Variants in TRIML1 observed in about 807,000 individuals in gnomAD.
TRIML1 encodes the protein probable E3 ubiquitin-protein ligase TRIML1.
A neutral mutation model predicts 32.3 loss-of-function variants in TRIML1; 34 were observed. The observed-to-expected ratio is 1.05, with a 90% confidence interval of 0.80 to 1.40. TRIML1 has a LOEUF of 1.40. Among genes scored for constraint, TRIML1 ranks in the 40% most tolerant of loss-of-function variants. TRIML1 has a pLI of 0.00. For synonymous variants in TRIML1, 244 were observed against 226.6 expected (o/e 1.08, Z -0.69); for missense variants, 595 against 574.9 (o/e 1.03, Z -0.36).
chr4:188,140,408 C>T lies in TRIML1; in HGVS notation c.409-120C>T, dbSNP rs569197053. The stretch of plus-strand genomic sequence containing the variant: ...AAGTGCTGGGATTACAGGCGTGAGG[C>T]GCCGCACCCAGCCTGCCCTTTGTTT... On this transcript the variant is annotated intron_variant, in intron 1 of 5. Transcript: ENST00000332517. The T allele has an allele frequency of 2.8e-4, 212 of 750,034 alleles. 1 individual carries two copies. The highest frequency in any genetic ancestry group is 3.6e-4 in the Non-Finnish European group (158 of 444,938). 46.5% of individuals were successfully genotyped at this position (750,034 alleles called of 1,614,324 possible).
intron 1 of TRIML1, 138 bp downstream of exon 1, chr4:188,140,104 C>A: frequency 1.2e-6 from 1 of 868,198 alleles, no homozygotes; most frequent in Non-Finnish European, 1.7e-6. Context: ...GGCGTGGGTC[C>A]AGTTTACACC....
In TRIML1 at chr4:188,139,498, T is replaced by A; in HGVS notation, c.-61T>A. ...GTTACTCAAAACTGTAGGACGGCAG[T>A]GAGGGCTTTGCTAATCCCAGAACAG... On this transcript the variant is annotated 5_prime_UTR_variant, in exon 1 of 6. Coordinates refer to ENST00000332517, the MANE Select transcript of TRIML1 (RefSeq NM_178556.5). 6.7e-7 allele frequency: 1 copy of A among 1,502,106 alleles called. No homozygotes were observed. Among genetic ancestry groups the A allele is most frequent in the East Asian group, 2.3e-5 (1 of 43,780 alleles). The allele number at this position is 1,502,106 out of a possible 1,614,324, so 93.0% of individuals were successfully genotyped here.
chr4:188,144,067 G>A lies in TRIML1; in HGVS notation c.790G>A (p.Ala264Thr). 3 of 1,614,072 alleles carry A rather than the reference G, an allele frequency of 1.9e-6. No homozygotes were observed. In the South Asian group the frequency reaches 3.3e-5, roughly 18 times the overall value. Residue 264 changes from alanine (A) to threonine (T), a missense_variant, in exon 5 of 6, where the codon GCC (alanine) becomes ACC (threonine). By Grantham distance (58) the Ala-to-Thr change is moderately conservative. Coordinates refer to ENST00000332517, the MANE Select transcript of TRIML1 (RefSeq NM_178556.5). ...GCCACTCTTGCTTCAGTGTCCAGAG[G>A]CCACCACCACAGAGCTGAGTCTGTG... Reference protein sequence around the residue: ...SEPLLLQCPEATTTELSLCRI... With the variant: ...SEPLLLQCPETTTTELSLCRI...
In TRIML1 at chr4:188,139,954, G is replaced by A. The variant is rs1303222045; in HGVS notation, c.396G>A (p.Glu132=). ...GAGTGCATCTCTCCAGCGAGGCTGA[G>A]GAGCATCACAGAGTAAGACAGCTGC... ...ANRVHLSSEA[E]EHHREKLQEI... The change falls in exon 1 of 6, where the codon GAG becomes GAA. Residue 132 remains glutamate (E), a synonymous_variant. Coordinates refer to ENST00000332517, the MANE Select transcript of TRIML1 (RefSeq NM_178556.5). 6.2e-7 allele frequency: 1 copy of A among 1,606,626 alleles called. No individual in the cohort carries two copies. The highest frequency in any genetic ancestry group is 2.2e-5 in the East Asian group (1 of 44,792).
chr4:188,144,287 G>A (rs11940227), intron 5 of TRIML1, among the ~76,000 whole-genome samples, 154 bp downstream of exon 5: 1 of 151,722 alleles, frequency 6.6e-6, no homozygotes, highest in African/African-American at 2.4e-5. Context: ...GCCACAGACC[G>A]TCTCTGAGCG....
At chr4:188,144,170 A>G in intron 5 of TRIML1, 37 bp downstream of exon 5, 3 of 1,552,504 alleles carry the variant, frequency 1.9e-6, no homozygotes, top group Non-Finnish European at 1.8e-6. Context: ...CCGGGGCTCG[A>G]AGAATTAACT....
At chr4:188,143,717 C>T in intron 3 of TRIML1, 121 bp from the exon 4 acceptor site, 1 of 1,206,258 alleles carries the variant, frequency 8.3e-7, no homozygotes, top group Non-Finnish European at 1.2e-6. Context: ...TGTGCTCCCA[C>T]TCATGGTGTG....
rs141093223 is a variant in TRIML1, at chr4:188,147,482, C to G, written c.*110C>G. 3.2e-6 allele frequency: 3 copies of G among 944,464 alleles called. No individual in the cohort carries two copies. The highest frequency in any genetic ancestry group is 3.4e-5 in the African/African-American group (2 of 59,590). The allele number at this position is 944,464 out of a possible 1,614,324, so 58.5% of individuals were successfully genotyped here. A position where few individuals can be genotyped will look rare whatever the true frequency, so the allele number is the denominator to read the frequency against. On this transcript the variant is annotated 3_prime_UTR_variant, in exon 6 of 6. Transcript: ENST00000332517. ...TGTCAGGTGATCTGAAATAAACTCC[C>G]GTAACCCCACCCCACCCCCAAGAGT... is the stretch of plus-strand genomic sequence containing the variant.
intron 5 of TRIML1, among the ~76,000 whole-genome samples, chr4:188,145,674 A>T (rs543195294): frequency 6.6e-6 from 1 of 150,790 alleles, no homozygotes; most frequent in African/African-American, 2.4e-5. Flanking sequence ...AATACAAAAA[A>T]CTAGCCGGGC....
intron 4 of TRIML1, 39 bp from the exon 5 acceptor site, chr4:188,143,997 G>T (rs1052589157): frequency 3.1e-6 from 5 of 1,610,062 alleles, no homozygotes; most frequent in South Asian, 2.2e-5. Context: ...CAGGTCACGC[G>T]GTCTGTGCCG....
downstream of TRIML1, among the ~76,000 whole-genome samples, chr4:188,149,905 C>T (rs994443985): frequency 8.5e-5 from 13 of 152,062 alleles, no homozygotes; most frequent in East Asian, 1.2e-3. Flanking sequence ...TGGGTTCAAA[C>T]GATTCTCCTG....
At position 188,139,716 on chromosome 4, in the gene TRIML1, G is replaced by A; in HGVS notation, c.158G>A (p.Cys53Tyr). 1 of 1,613,996 alleles carries A rather than the reference G, an allele frequency of 6.2e-7. No homozygotes were observed. Among genetic ancestry groups the A allele is most frequent in the Non-Finnish European group, 8.5e-7 (1 of 1,180,002 alleles). Residue 53 changes from cysteine to tyrosine, a missense_variant, in exon 1 of 6, where the codon TGT (cysteine) becomes TAT (tyrosine). Physicochemically the swap from Cys to Tyr is radical, Grantham distance 194. Coordinates refer to ENST00000332517, the MANE Select transcript of TRIML1 (RefSeq NM_178556.5). ...SWEEHNTPLS[C>Y]PECWRTLEGP... is the part of the protein sequence containing the mutation. ...GAGGAACATAACACACCTTTATCTT[G>A]TCCTGAGTGCTGGAGGACCTTGGAG...
chr4:188,140,813 C>T (rs967642907), intron 2 of TRIML1, 190 bp downstream of exon 2: 4 of 547,240 alleles, frequency 7.3e-6, no homozygotes, highest in African/African-American at 1.9e-5. Context: ...AGCTGCAATT[C>T]GCCCCCTCTA....
At position 188,146,927 on chromosome 4, in the gene TRIML1, C is replaced by G. The variant is rs546391133; in HGVS notation, c.962C>G (p.Pro321Arg). ...AGCAGACAGCAGCTACCCGACAACC[C>G]GGAAAGATTTGACCAGTCTGCGACT... ...GGSRQQLPDN[P>R]ERFDQSATVL... Residue 321 changes from proline (P) to arginine (R), a missense_variant, in exon 6 of 6, where the codon CCG becomes CGG. Pro to Arg is a moderately radical substitution (Grantham distance 103, BLOSUM62 -2). Transcript: ENST00000332517. The G allele has an allele frequency of 6.7e-7, 1 of 1,495,154 alleles. No homozygotes were observed. The highest frequency in any genetic ancestry group is 1.4e-5 in the African/African-American group (1 of 71,062). 92.6% of individuals were successfully genotyped at this position (1,495,154 alleles called of 1,614,324 possible). A position where few individuals can be genotyped will look rare whatever the true frequency, so the allele number is the denominator to read the frequency against.
chr4:188,142,440 G>C lies in TRIML1; in HGVS notation c.693G>C (p.Gln231His). The C allele has an allele frequency of 6.2e-7, 1 of 1,613,912 alleles. No individual in the cohort carries two copies. Among genetic ancestry groups the C allele is most frequent in the Non-Finnish European group, 8.5e-7 (1 of 1,180,000 alleles). ...GAAGCCTAAGCAAAATGATCGCACA[G>C]ATTGAGTCCTCAAGTCAAAGCTCGG... is the stretch of plus-strand genomic sequence containing the variant. ...QIRSLSKMIA[Q>H]IESSSQSSAF... Residue 231 changes from glutamine to histidine, a missense_variant, in exon 3 of 6, where the codon CAG becomes CAC. By Grantham distance (24) the Gln-to-His change is conservative (BLOSUM62 0). Coordinates refer to ENST00000332517, the MANE Select transcript of TRIML1 (RefSeq NM_178556.5).
chr4:188,148,677 A>G (rs1277893710), downstream of TRIML1, among the ~76,000 whole-genome samples: 1 of 149,240 alleles, frequency 6.7e-6, no homozygotes, highest in Non-Finnish European at 1.5e-5. Context: ...ATCGCAGCTC[A>G]CTGCAACCTC....
chr4:188,144,658 A>G (rs115298240), intron 5 of TRIML1, among the ~76,000 whole-genome samples: 3,175 of 152,018 alleles, frequency 0.021, 51 homozygotes, highest in African/African-American at 0.04. Flanking sequence ...CACTGCGCCC[A>G]GCCAATCCTA....
rs1735135595 is a variant in TRIML1 at position 188,147,523 on chromosome 4, C to G, written c.*151C>G. 1 of 540,878 alleles carries G rather than the reference C, an allele frequency of 1.8e-6. No homozygotes were observed. The highest frequency in any genetic ancestry group is 7.0e-5 in the South Asian group (1 of 14,306). 33.5% of individuals were successfully genotyped at this position (540,878 alleles called of 1,614,324 possible). ...CCCCAAGAGTTTCCATTAACTTGAT[C>G]CCATTATGAACAGCCACATTACACA... On this transcript the variant is annotated 3_prime_UTR_variant, in exon 6 of 6. Transcript: ENST00000332517.
At chr4:188,144,526 G>C (rs7693618) in intron 5 of TRIML1, among the ~76,000 whole-genome samples, 56,753 of 117,690 alleles carry the variant, frequency 0.48, 15,794 homozygotes, top group Middle Eastern at 0.56. Flanking sequence ...CCACGCCTGG[G>C]TAATTTTTTG....
Sources: allele counts gnomAD v4.1 joint callset (sites outside exome capture counted in the v4.1 genomes callset), GRCh38; gene constraint gnomAD v4.1.1; transcripts MANE v1.5; gene names NCBI Gene and HGNC (gene_info 2026-07-23, HGNC 2026-07-21).